The following AK4 variants were observed in gnomAD, a reference collection of about 807,000 sequenced individuals.
The protein encoded by AK4 is adenylate kinase 4, mitochondrial.
AK4 carries 13 observed loss-of-function variants against 24.6 expected under a neutral mutation model. That is an observed-to-expected ratio of 0.53 (90% CI 0.34 to 0.84). The LOEUF (loss-of-function observed/expected upper bound fraction) is 0.84. Among genes scored for constraint, AK4 ranks in the 40% least tolerant of loss-of-function variants. The pLI, the probability that AK4 is intolerant of heterozygous loss-of-function variation, is 0.01. For missense variants in AK4, 192 were observed against 288.2 expected (o/e 0.67, Z 2.42); for synonymous variants, 88 against 107.0 (o/e 0.82, Z 1.10).
At chr1:65,150,530 T>C (rs1649737187) in intron 1 of AK4, among the ~76,000 whole-genome samples, 1 of 152,202 alleles carries the variant, frequency 6.6e-6, no homozygotes. Context: ...TAGTGAACTT[T>C]CGGGTTATCG....
chr1:65,217,983 A>G (rs1461381082), intron 2 of AK4, among the ~76,000 whole-genome samples: 2 of 152,212 alleles, frequency 1.3e-5, no homozygotes, highest in Non-Finnish European at 1.5e-5. Context: ...AGGTTTAATA[A>G]TTAACATATC....
chr1:65,167,295 G>T (rs1178872785), intron 1 of AK4, among the ~76,000 whole-genome samples: 1 of 152,094 alleles, frequency 6.6e-6, no homozygotes, highest in African/African-American at 2.4e-5. Flanking sequence ...GAACTCAGCT[G>T]CTTCTATATT....
chr1:65,189,177 C>T (rs373905602), intron 1 of AK4, among the ~76,000 whole-genome samples: 64 of 151,676 alleles, frequency 4.2e-4, no homozygotes, highest in African/African-American at 1.5e-3. Flanking sequence ...TCAGGTGATC[C>T]GCCTGCCTCG....
intron 2 of AK4, among the ~76,000 whole-genome samples, chr1:65,209,707 C>T (rs760924932): frequency 9.9e-5 from 15 of 152,168 alleles, no homozygotes; most frequent in African/African-American, 1.4e-4. Context: ...GCTGAAGCTC[C>T]CATGCTACCT....
Position 65,226,198 on chromosome 1 carries a change from A to G in AK4, c.*21A>G. 1 of 1,570,942 alleles carries G rather than the reference A, an allele frequency of 6.4e-7. No homozygotes were observed. The highest frequency in any genetic ancestry group is 8.7e-7 in the Non-Finnish European group (1 of 1,151,798). ...ATTGACCCTGCCCAATGGAAGAACC[A>G]GGAAGATGTGGTCATTCATTCAATA... is the stretch of plus-strand genomic sequence containing the variant. On this transcript the variant is annotated 3_prime_UTR_variant, in exon 5 of 5. Coordinates refer to ENST00000327299, the MANE Select transcript of AK4 (RefSeq NM_013410.4).
At chr1:65,188,899 T>A (rs1651195828) in intron 1 of AK4, among the ~76,000 whole-genome samples, 1 of 151,738 alleles carries the variant, frequency 6.6e-6, no homozygotes, top group East Asian at 2.0e-4. Flanking sequence ...CTCAGCCTCC[T>A]GAGTAGCTGG....
intron 1 of AK4, among the ~76,000 whole-genome samples, chr1:65,152,338 CTCTCTCTCTCTCTCTCTCTCTCTATA>C (rs1380610379): frequency 1.2e-4 from 5 of 41,046 alleles, no homozygotes; most frequent in East Asian, 1.3e-3. Context: ...CTCTCTCTCT[CTCTCTCTCTCTCTCTCTCTCTCTATA>C]TATATATATA....
chr1:65,149,484 TG>T (rs1480392273), intron 1 of AK4, among the ~76,000 whole-genome samples: 1 of 152,214 alleles, frequency 6.6e-6, no homozygotes, highest in African/African-American at 2.4e-5. Flanking sequence ...ATGGAGATGC[TG>T]GTAATTAGCA....
chr1:65,204,360 TG>T (rs1179145605), intron 2 of AK4, among the ~76,000 whole-genome samples: 1 of 151,780 alleles, frequency 6.6e-6, no homozygotes, highest in Non-Finnish European at 1.5e-5. Flanking sequence ...CCACCGTGAC[TG>T]GCTAATTTTT....
At chr1:65,201,485 T>C (rs1347773705) in intron 2 of AK4, among the ~76,000 whole-genome samples, 1 of 152,234 alleles carries the variant, frequency 6.6e-6, no homozygotes, top group Non-Finnish European at 1.5e-5. Flanking sequence ...AACATATGTA[T>C]ACACATATTT....
At chr1:65,175,505 G>A (rs1243039787) in intron 1 of AK4, among the ~76,000 whole-genome samples, 1 of 152,176 alleles carries the variant, frequency 6.6e-6, no homozygotes, top group Non-Finnish European at 1.5e-5. Context: ...TGGCACAGCC[G>A]GATAGATTCA....
chr1:65,205,651 C>G (rs1276546225), intron 2 of AK4, among the ~76,000 whole-genome samples: 2 of 152,142 alleles, frequency 1.3e-5, no homozygotes, highest in Non-Finnish European at 2.9e-5. Flanking sequence ...TATTTATGTC[C>G]TATATAGAGT....
Position 65,207,858 on chromosome 1 carries a change from T to C in AK4, c.266-10896T>C, listed in dbSNP as rs142213759. On this transcript the variant is annotated intron_variant, in intron 2 of 4. Transcript: ENST00000327299. ...TGGCCTCCAGCTGCATCCATGTTGCTACAAGGGACATGATCTCATTCTTAT... is the reference window on the plus strand; with the variant it reads ...TGGCCTCCAGCTGCATCCATGTTGCCACAAGGGACATGATCTCATTCTTAT... 2.5e-3 allele frequency among the ~76,000 whole-genome samples: 383 copies of C among 152,310 alleles called. 3 individuals are homozygous for C. Among genetic ancestry groups the C allele is most frequent in the African/African-American group, 7.8e-3 (326 of 41,558 alleles).
intron 1 of AK4, among the ~76,000 whole-genome samples, chr1:65,170,954 CT>C (rs36098576): frequency 0.38 from 40,931 of 108,958 alleles, 7,365 homozygotes; most frequent in African/African-American, 0.62. Context: ...TGTCTTCTTC[CT>C]TTTTTTTTTT....
intron 3 of AK4, among the ~76,000 whole-genome samples, chr1:65,219,525 T>C (rs1652233796): frequency 6.6e-6 from 1 of 152,126 alleles, no homozygotes; most frequent in Admixed American, 6.5e-5. Context: ...GTTAAATACA[T>C]TGGAGAATAT....
chr1:65,157,444 T>G (rs1650019542), intron 1 of AK4, among the ~76,000 whole-genome samples: 1 of 152,052 alleles, frequency 6.6e-6, no homozygotes. Flanking sequence ...AGCTGCTGTT[T>G]TTTGGTGGAG....
rs565483448 is a variant in AK4, at chr1:65,200,897, C to T, written c.265+10068C>T. Reference sequence around the variant, plus strand: ...GCAACCTCCACCTCTTGGGTTCAAGCGATTCTCCTGCCTCAGCCTCCCAAG... The same window carrying T: ...GCAACCTCCACCTCTTGGGTTCAAGTGATTCTCCTGCCTCAGCCTCCCAAG... On this transcript the variant is annotated intron_variant, in intron 2 of 4. Coordinates refer to ENST00000327299, the MANE Select transcript of AK4 (RefSeq NM_013410.4). Among the ~76,000 whole-genome samples the T allele has an allele frequency of 3.9e-5, 6 of 151,986 alleles. No homozygotes were observed. In the East Asian group the frequency reaches 7.8e-4, roughly 20 times the overall value.
intron 2 of AK4, among the ~76,000 whole-genome samples, chr1:65,214,790 G>C (rs1652073937): frequency 6.6e-6 from 1 of 152,148 alleles, no homozygotes; most frequent in African/African-American, 2.4e-5. Context: ...GTACATGAGA[G>C]CCTCTGGAGA....
intron 1 of AK4, among the ~76,000 whole-genome samples, chr1:65,173,537 T>G (rs1327207194): frequency 6.6e-6 from 1 of 152,168 alleles, no homozygotes; most frequent in Non-Finnish European, 1.5e-5. Flanking sequence ...AAGGCTGCCC[T>G]TTCTGTATGA....
Sources: gnomAD v4.1 joint callset for allele counts (sites outside exome capture counted in the v4.1 genomes callset) on GRCh38, gnomAD v4.1.1 for gene constraint, MANE v1.5 for transcripts, NCBI Gene and HGNC (gene_info 2026-07-23, HGNC 2026-07-21) for gene names.